PANX1: variants seen among roughly 807,000 people sequenced by gnomAD.
PANX1 encodes the protein pannexin 1.
PANX1 carries 30 observed loss-of-function variants against 38.7 expected under a neutral mutation model. The ratio of observed to expected loss-of-function variants is 0.78; its 90% CI spans 0.58 to 1.05. The LOEUF (loss-of-function observed/expected upper bound fraction) is 1.05, where lower values mean the gene tolerates loss of function less well. Among genes scored for constraint, PANX1 ranks in the 50% least tolerant of loss-of-function variants. The pLI, the probability that PANX1 is intolerant of heterozygous loss-of-function variation, is 0.00. For missense variants in PANX1, 551 were observed against 517.2 expected, an observed-to-expected ratio of 1.07 and a Z score of -0.63; for synonymous variants, 230 against 212.2, an observed-to-expected ratio of 1.08 and a Z score of -0.73.
intron 1 of PANX1, among the ~76,000 whole-genome samples, chr11:94,134,384 T>C (rs1178761553): frequency 6.6e-6 from 1 of 152,224 alleles, no homozygotes; most frequent in Non-Finnish European, 1.5e-5. Context: ...ATAAGCATGA[T>C]TGCATGACGT....
chr11:94,143,157 G>C lies in PANX1; in HGVS notation c.182-10334G>C, dbSNP rs967751349. ...CTCAAGGCCTTGTCCTACACAAAAG[G>C]GTTTCTTTGTCGCAAGAACTACAAA... On this transcript the variant is annotated intron_variant, in intron 1 of 4. Coordinates refer to ENST00000227638, the MANE Select transcript of PANX1 (RefSeq NM_015368.4). 5.9e-5 allele frequency among the ~76,000 whole-genome samples: 9 copies of C among 152,250 alleles called. No homozygotes were observed. The South Asian group carries it at 1.9e-3, about 32-fold the overall frequency.
At chr11:94,164,611 C>A (rs747927849) in intron 2 of PANX1, among the ~76,000 whole-genome samples, 1 of 152,176 alleles carries the variant, frequency 6.6e-6, no homozygotes, top group East Asian at 1.9e-4. Context: ...AACATGTGGT[C>A]TATCTGTGAG....
chr11:94,145,723 A>G (rs1484518794), intron 1 of PANX1, among the ~76,000 whole-genome samples: 1 of 152,246 alleles, frequency 6.6e-6, no homozygotes, highest in Non-Finnish European at 1.5e-5. Context: ...TAAAACAAAA[A>G]TCAGAAACTA....
rs1158008526 is a variant in PANX1 at position 94,129,358 on chromosome 11, T to C, written c.46T>C (p.Leu16=). 1 of 1,613,844 alleles carries C rather than the reference T, an allele frequency of 6.2e-7. No individual in the cohort carries two copies. Among genetic ancestry groups the C allele is most frequent in the South Asian group, 1.1e-5 (1 of 91,024 alleles). Residue 16 remains leucine (L), a synonymous_variant, in exon 1 of 5, where the codon TTG becomes CTG. Transcript: ENST00000227638. ...CACGGAGTACGTGTTCTCGGATTTC[T>C]TGCTGAAGGAGCCCACGGAGCCCAA... is the stretch of plus-strand genomic sequence containing the variant. The part of the protein sequence containing the change: ...LATEYVFSDF[L]LKEPTEPKFK...
At chr11:94,168,658 G>GT (rs139231600) in intron 2 of PANX1, among the ~76,000 whole-genome samples, 23 of 151,522 alleles carry the variant, frequency 1.5e-4, no homozygotes, top group Admixed American at 3.9e-4. Flanking sequence ...AGATCATAAA[G>GT]TTTTTTTGTC....
At chr11:94,136,498 C>T (rs1334846499) in intron 1 of PANX1, among the ~76,000 whole-genome samples, 1 of 152,146 alleles carries the variant, frequency 6.6e-6, no homozygotes, top group South Asian at 2.1e-4. Flanking sequence ...TGATACATAT[C>T]GGCCGGGCGC....
chr11:94,172,801 C>G (rs1165613655), intron 2 of PANX1, among the ~76,000 whole-genome samples: 1 of 151,724 alleles, frequency 6.6e-6, no homozygotes, highest in Non-Finnish European at 1.5e-5. Context: ...TTTCATAGAT[C>G]CGTGGGAAGG....
At chr11:94,130,921 A>G (rs1348300529) in intron 1 of PANX1, among the ~76,000 whole-genome samples, 1 of 152,240 alleles carries the variant, frequency 6.6e-6, no homozygotes, top group Non-Finnish European at 1.5e-5. Flanking sequence ...AAGTTGCCAA[A>G]TTCATTGTGG....
chr11:94,131,206 G>A (rs1459728491), intron 1 of PANX1, among the ~76,000 whole-genome samples: 2 of 152,182 alleles, frequency 1.3e-5, no homozygotes, highest in Admixed American at 1.3e-4. Context: ...AGAAAGGCAG[G>A]AGGAAGGAGT....
chr11:94,136,325 G>T (rs1038577840), intron 1 of PANX1, among the ~76,000 whole-genome samples: 2 of 152,142 alleles, frequency 1.3e-5, no homozygotes, highest in East Asian at 1.9e-4. Context: ...CCTTCAGGGG[G>T]TAGAATTGCA....
At chr11:94,138,587 G>A (rs1328169941) in intron 1 of PANX1, among the ~76,000 whole-genome samples, 2 of 152,182 alleles carry the variant, frequency 1.3e-5, no homozygotes, top group Non-Finnish European at 2.9e-5. Flanking sequence ...CATACAATGT[G>A]TAATAATCAC....
chr11:94,137,982 T>G (rs1946720986), intron 1 of PANX1, among the ~76,000 whole-genome samples: 1 of 151,442 alleles, frequency 6.6e-6, no homozygotes, highest in Non-Finnish European at 1.5e-5. Context: ...TTTAACTGTT[T>G]CACAAGTTTT....
intron 2 of PANX1, among the ~76,000 whole-genome samples, chr11:94,168,518 C>T (rs1947128233): frequency 6.6e-6 from 1 of 150,916 alleles, no homozygotes; most frequent in Non-Finnish European, 1.5e-5. Context: ...GCAGTTTTGT[C>T]CAAGAAGGCA....
At chr11:94,160,868 GT>G (rs567001161) in intron 2 of PANX1, among the ~76,000 whole-genome samples, 18 of 152,272 alleles carry the variant, frequency 1.2e-4, no homozygotes, top group African/African-American at 4.3e-4. Flanking sequence ...GGTACCATTT[GT>G]TCCTTTCCAT....
At position 94,179,618 on chromosome 11, in the gene PANX1, G is replaced by C; in HGVS notation, c.562G>C (p.Glu188Gln). 2 of 1,613,376 alleles carry C rather than the reference G, an allele frequency of 1.2e-6. No individual in the cohort carries two copies. Among genetic ancestry groups the C allele is most frequent in the Non-Finnish European group, 8.5e-7 (1 of 1,179,558 alleles). The change falls in exon 4 of 5, where the codon GAA (glutamate) becomes CAA (glutamine). Residue 188 changes from glutamate to glutamine, a missense_variant. By Grantham distance (29) the Glu-to-Gln change is conservative (BLOSUM62 2). Transcript: ENST00000227638. ...NLGQSLWEVS[E>Q]SHFKYPIVEQ... Reference sequence around the variant, plus strand: ...ATTTTTTAGTTTGTGGGAGGTATCTGAAAGCCACTTCAAGTACCCAATTGT... The same window carrying C: ...ATTTTTTAGTTTGTGGGAGGTATCTCAAAGCCACTTCAAGTACCCAATTGT...
Position 94,137,866 on chromosome 11 carries a change from C to CTATCTTGGTCTGTTTTCCCCGTT in PANX1, c.181+8374_181+8375insATCTTGGTCTGTTTTCCCCGTTT. ...AATACTACCAGGGATAACTACTATTCTTGAAAAACCAAACACTAAGTCAAG... is the reference window on the plus strand; with the variant it reads ...AATACTACCAGGGATAACTACTATTCTATCTTGGTCTGTTTTCCCCGTTTTGAAAAACCAAACACTAAGTCAAG... On this transcript the variant is annotated intron_variant, in intron 1 of 4. Transcript: ENST00000227638. Among the ~76,000 whole-genome samples, 7 of 77,824 alleles carry CTATCTTGGTCTGTTTTCCCCGTT rather than the reference C, an allele frequency of 9.0e-5. 2 individuals carry two copies. The highest frequency in any genetic ancestry group is 1.5e-4 in the Non-Finnish European group (6 of 41,090). 51.1% of individuals were successfully genotyped at this position (77,824 alleles called of 152,430 possible).
rs1947158278 is a variant in PANX1 at position 94,170,853 on chromosome 11, A to C, written c.322-7516A>C. 1.3e-5 allele frequency among the ~76,000 whole-genome samples: 2 copies of C among 151,762 alleles called. 1 individual carries two copies. Among genetic ancestry groups the C allele is most frequent in the African/African-American group, 4.9e-5 (2 of 41,030 alleles). Reference sequence around the variant, plus strand: ...TCACCTGCTGATGAGCTGCAGTTCAACACAAGGAGAGTCTTTCTGGCACAA... The same window carrying C: ...TCACCTGCTGATGAGCTGCAGTTCACCACAAGGAGAGTCTTTCTGGCACAA... On this transcript the variant is annotated intron_variant, in intron 2 of 4. Coordinates refer to ENST00000227638, the MANE Select transcript of PANX1 (RefSeq NM_015368.4).
At chr11:94,173,964 G>C (rs1947199928) in intron 2 of PANX1, among the ~76,000 whole-genome samples, 1 of 151,608 alleles carries the variant, frequency 6.6e-6, no homozygotes, top group African/African-American at 2.4e-5. Context: ...GGTGCTTTCA[G>C]GGAGAGTCTG....
intron 2 of PANX1, among the ~76,000 whole-genome samples, chr11:94,164,115 CT>C (rs368547926): frequency 4.0e-4 from 57 of 142,692 alleles, no homozygotes; most frequent in South Asian, 2.0e-3. Context: ...TTTGGTCTTT[CT>C]TTTTTTTTTA....
Sources: allele counts gnomAD v4.1 joint callset (sites outside exome capture counted in the v4.1 genomes callset), GRCh38; gene constraint gnomAD v4.1.1; transcripts MANE v1.5; gene names NCBI Gene and HGNC (gene_info 2026-07-23, HGNC 2026-07-21).